TRIM33: variants seen among roughly 807,000 people sequenced by gnomAD.
TRIM33 encodes E3 ubiquitin-protein ligase TRIM33.
In TRIM33, 20 loss-of-function variants were observed where a neutral mutation model predicts 125.4. The ratio of observed to expected loss-of-function variants is 0.16; its 90% CI spans 0.11 to 0.23. The LOEUF (loss-of-function observed/expected upper bound fraction) is 0.23. Ranked by LOEUF, TRIM33 falls within the 10% of genes least tolerant of loss-of-function variation. TRIM33 has a pLI of 1.00. For missense variants in TRIM33, 920 were observed against 1,411.4 expected (o/e 0.65, Z 5.58); for synonymous variants, 564 against 513.9 (o/e 1.10, Z -1.32).
chr1:114,423,545 C>T (rs1030038987), intron 10 of TRIM33, among the ~76,000 whole-genome samples: 3 of 151,286 alleles, frequency 2.0e-5, no homozygotes, highest in South Asian at 2.1e-4. Flanking sequence ...CAAATGTGAG[C>T]GAGTATATAT....
Position 114,397,578 on chromosome 1 carries a change from G to T in TRIM33, c.*70C>A. The stretch of plus-strand genomic sequence containing the variant: ...TTCCAGCAACACTTAAAAGTTTTCT[G>T]GGTTTTTTGTGTTTTTTTTTTTTTT... On this transcript the variant is annotated 3_prime_UTR_variant, in exon 20 of 20. Coordinates refer to ENST00000358465, the MANE Select transcript of TRIM33 (RefSeq NM_015906.4). 2 of 1,228,258 alleles carry T rather than the reference G, an allele frequency of 1.6e-6. No homozygotes were observed. The highest frequency in any genetic ancestry group is 1.4e-5 in the South Asian group (1 of 73,432). The allele number at this position is 1,228,258 out of a possible 1,614,324, so 76.1% of individuals were successfully genotyped here. A position where few individuals can be genotyped will look rare whatever the true frequency, so the allele number is the denominator to read the frequency against.
chr1:114,448,651 CTGAT>C (rs1005379844), intron 4 of TRIM33, among the ~76,000 whole-genome samples: 11 of 151,940 alleles, frequency 7.2e-5, no homozygotes, highest in African/African-American at 2.7e-4. Context: ...AGTGATTAAA[CTGAT>C]TAGCTATGAC....
intron 1 of TRIM33, among the ~76,000 whole-genome samples, chr1:114,495,423 A>G (rs1652314324): frequency 6.6e-6 from 1 of 152,222 alleles, no homozygotes; most frequent in South Asian, 2.1e-4. Flanking sequence ...TCACCCTGAA[A>G]TAATTCTTTT....
chr1:114,434,520 T>C (rs1406176724), intron 4 of TRIM33, among the ~76,000 whole-genome samples: 1 of 152,250 alleles, frequency 6.6e-6, no homozygotes, highest in Non-Finnish European at 1.5e-5. Flanking sequence ...ATGTTAAAAT[T>C]TTCTAATCAT....
At chr1:114,422,173 TATG>T (rs1214423526) in intron 10 of TRIM33, among the ~76,000 whole-genome samples, 1 of 152,220 alleles carries the variant, frequency 6.6e-6, no homozygotes, top group Non-Finnish European at 1.5e-5. Context: ...TGAGGGCTGT[TATG>T]AGGATCATTT....
chr1:114,420,379 C>A, intron 11 of TRIM33: 2 of 1,331,402 alleles, frequency 1.5e-6, no homozygotes, highest in South Asian at 2.5e-5. Flanking sequence ...AAAGATCTAA[C>A]CACATTTTGG....
chr1:114,442,871 T>A lies in TRIM33; in HGVS notation c.924-9138A>T, dbSNP rs181537083. On this transcript the variant is annotated intron_variant, in intron 4 of 19. Coordinates refer to ENST00000358465, the MANE Select transcript of TRIM33 (RefSeq NM_015906.4). ...AATTTTTTATATCCAGGCCATAATA[T>A]AAGATTCTTATCTAACTAGCCTGGA... is the stretch of plus-strand genomic sequence containing the variant. 1.7e-3 allele frequency among the ~76,000 whole-genome samples: 252 copies of A among 152,146 alleles called. 1 individual carries two copies. The highest frequency in any genetic ancestry group is 5.7e-3 in the African/African-American group (238 of 41,546).
At chr1:114,496,038 T>C (rs551021244) in intron 1 of TRIM33, among the ~76,000 whole-genome samples, 55 of 152,266 alleles carry the variant, frequency 3.6e-4, no homozygotes, top group Non-Finnish European at 6.6e-4. Context: ...AAGCAGAAAA[T>C]GTAATATACG....
chr1:114,474,893 C>CA (rs555557038), intron 1 of TRIM33, among the ~76,000 whole-genome samples: 4,377 of 120,600 alleles, frequency 0.036, 104 homozygotes, highest in African/African-American at 0.079. Context: ...AACTCTATCT[C>CA]AAAAAAAAAA....
At chr1:114,403,317 C>T (rs138250508) in intron 15 of TRIM33, among the ~76,000 whole-genome samples, 23 of 152,186 alleles carry the variant, frequency 1.5e-4, no homozygotes, top group East Asian at 5.8e-4. Context: ...GTTCTTTTTT[C>T]GTGGTCAAAA....
chr1:114,463,178 C>A lies in TRIM33; in HGVS notation c.849G>T (p.Gln283His). The A allele has an allele frequency of 6.2e-7, 1 of 1,613,338 alleles. No homozygotes were observed. The highest frequency in any genetic ancestry group is 8.5e-7 in the Non-Finnish European group (1 of 1,179,742). The stretch of plus-strand genomic sequence containing the variant: ...CACATGTTTCACAGAAAAGTTTCAA[C>A]TGTTCTTGTTTGTGTACAGGGCAGA... ...PVFCPVHKQE[Q>H]LKLFCETCDR... The change falls in exon 4 of 20, where the codon CAG becomes CAT. Residue 283 changes from glutamine (Q) to histidine (H), a missense_variant. By Grantham distance (24) the Gln-to-His change is conservative (BLOSUM62 0). Transcript: ENST00000358465.
chr1:114,421,109 T>C (rs1180696278), intron 11 of TRIM33, among the ~76,000 whole-genome samples: 1 of 152,170 alleles, frequency 6.6e-6, no homozygotes. Context: ...CATTATGCTA[T>C]GTATAATCAG....
At chr1:114,420,394 G>A (rs1469764408) in intron 11 of TRIM33, 1 of 1,334,238 alleles carries the variant, frequency 7.5e-7, no homozygotes, top group Non-Finnish European at 9.9e-7. Context: ...TTTTGGTCCT[G>A]GGTCTTCTCT....
At chr1:114,408,648 A>C (rs780493565) in intron 13 of TRIM33, 29 bp downstream of exon 13, 1 of 1,484,238 alleles carries the variant, frequency 6.7e-7, no homozygotes, top group South Asian at 1.2e-5. Flanking sequence ...CTTAACAAAA[A>C]GGAAAAAAAT....
chr1:114,505,229 C>T (rs941328937), intron 1 of TRIM33, among the ~76,000 whole-genome samples: 2 of 152,180 alleles, frequency 1.3e-5, no homozygotes, highest in Non-Finnish European at 2.9e-5. Context: ...CAATCTTGGA[C>T]ACATCGTTAA....
At chr1:114,493,991 AT>A (rs1570665478) in intron 1 of TRIM33, among the ~76,000 whole-genome samples, 1 of 151,464 alleles carries the variant, frequency 6.6e-6, no homozygotes, top group Non-Finnish European at 1.5e-5. Context: ...CGCCCAGCTC[AT>A]TTTTCTATTT....
In TRIM33 at chr1:114,399,507, A is replaced by G; in HGVS notation, c.3070T>C (p.Phe1024Leu). The G allele has an allele frequency of 6.2e-7, 1 of 1,613,816 alleles. No individual in the cohort carries two copies. Among genetic ancestry groups the G allele is most frequent in the Non-Finnish European group, 8.5e-7 (1 of 1,179,832 alleles). Residue 1024 changes from phenylalanine to leucine, a missense_variant, in exon 18 of 20, where the codon TTT (phenylalanine) becomes CTT (leucine). This residue lies in a region of TRIM33 where 122 missense variants were observed against 236.8 expected (regional missense o/e 0.52). Transcript: ENST00000358465. Reference protein sequence around the residue: ...HSQHYQIPDDFVADVRLIFKN... With the variant: ...HSQHYQIPDDLVADVRLIFKN... Reference sequence around the variant, plus strand: ...AAGATCAAACGGACATCGGCCACAAAGTCATCCGGGATTTGGTAGTGTTGG... The same window carrying G: ...AAGATCAAACGGACATCGGCCACAAGGTCATCCGGGATTTGGTAGTGTTGG...
Position 114,420,954 on chromosome 1 carries a change from C to A in TRIM33, c.2061+482G>T, listed in dbSNP as rs558971291. 8.5e-5 allele frequency among the ~76,000 whole-genome samples: 13 copies of A among 152,154 alleles called. No homozygotes were observed. In the South Asian group the frequency reaches 2.5e-3, roughly 29 times the overall value. ...TCATTTCAGCATTATCCACAATAGC[C>A]AAGATATGTAAGCAATCTAAATGTC... On this transcript the variant is annotated intron_variant, in intron 11 of 19. Transcript: ENST00000358465.
chr1:114,405,265 G>T, intron 15 of TRIM33, 145 bp downstream of exon 15: 1 of 614,464 alleles, frequency 1.6e-6, no homozygotes, highest in Non-Finnish European at 2.8e-6. Context: ...AGTTTCTCTG[G>T]AAGCTAATAC....
Sources: allele counts gnomAD v4.1 joint callset (sites outside exome capture counted in the v4.1 genomes callset), GRCh38; gene constraint gnomAD v4.1.1; regional missense constraint gnomAD v4.1.1; transcripts MANE v1.5; gene names NCBI Gene and HGNC (gene_info 2026-07-23, HGNC 2026-07-21).